The following OTUD7A variants were observed in gnomAD, a reference collection of about 807,000 sequenced individuals.
OTUD7A encodes OTU domain-containing protein 7A.
In OTUD7A, 12 loss-of-function variants were observed where a neutral mutation model predicts 65.7. That is an observed-to-expected ratio of 0.18 (90% CI 0.12 to 0.30). The LOEUF is 0.30. Among genes scored for constraint, OTUD7A ranks in the 10% least tolerant of loss-of-function variants. The probability of loss-of-function intolerance (pLI) is 1.00; values close to 1 mark genes in which losing one functional copy is unlikely to be tolerated. For missense variants in OTUD7A, 1,148 were observed against 1,304.8 expected, an observed-to-expected ratio of 0.88 and a Z score of 1.85; for synonymous variants, 641 against 586.3, an observed-to-expected ratio of 1.09 and a Z score of -1.35.
chr15:31,833,572 C>T (rs915978137), intron 1 of OTUD7A, among the ~76,000 whole-genome samples: 2 of 152,150 alleles, frequency 1.3e-5, no homozygotes, highest in East Asian at 3.8e-4. Flanking sequence ...GGAAAATATC[C>T]ATTCTGACCA....
chr15:31,603,531 C>T (rs1277281254), intron 3 of OTUD7A, among the ~76,000 whole-genome samples: 3 of 152,174 alleles, frequency 2.0e-5, no homozygotes, highest in South Asian at 2.1e-4. Context: ...GACATAGGCA[C>T]GGGCAAAGAC....
chr15:31,755,106 T>C (rs571285440), intron 1 of OTUD7A, among the ~76,000 whole-genome samples: 1 of 150,850 alleles, frequency 6.6e-6, no homozygotes, highest in East Asian at 2.0e-4. Context: ...GATAATTCTA[T>C]TTAAGGAGGA....
At chr15:31,584,217 T>C (rs1195843610) in intron 3 of OTUD7A, among the ~76,000 whole-genome samples, 6 of 152,214 alleles carry the variant, frequency 3.9e-5, no homozygotes, top group Non-Finnish European at 8.8e-5. Context: ...TTAGCTCTTA[T>C]AGCCATGGAG....
chr15:31,735,157 G>A (rs988960453), intron 1 of OTUD7A, among the ~76,000 whole-genome samples: 3 of 152,138 alleles, frequency 2.0e-5, no homozygotes, highest in Non-Finnish European at 4.4e-5. Flanking sequence ...CAATATCACT[G>A]ATCATTAAAG....
In OTUD7A at chr15:31,711,618, A is replaced by AAAG. The variant is rs529167549; in HGVS notation, c.-99-54544_-99-54542dup. On this transcript the variant is annotated intron_variant, in intron 1 of 12. Coordinates refer to ENST00000307050, the MANE Select transcript of OTUD7A (RefSeq NM_001382637.1). ...TGGAAAAATACAAACCAGGAATGAC[A>AAAG]AAGGCATCACCTCCCTAACATCTCT... 6.6e-3 allele frequency among the ~76,000 whole-genome samples: 979 copies of AAAG among 149,168 alleles called. 12 individuals are homozygous for AAAG. Among genetic ancestry groups the AAAG allele is most frequent in the African/African-American group, 0.023 (938 of 39,930 alleles).
At chr15:31,662,999 GT>G (rs921877201) in intron 1 of OTUD7A, among the ~76,000 whole-genome samples, 2 of 149,398 alleles carry the variant, frequency 1.3e-5, no homozygotes, top group East Asian at 2.0e-4. Flanking sequence ...CAAATTTTCA[GT>G]TTTTTTTAGT....
intron 1 of OTUD7A, among the ~76,000 whole-genome samples, chr15:31,763,325 C>T (rs1895020159): frequency 6.6e-6 from 1 of 151,792 alleles, no homozygotes; most frequent in Non-Finnish European, 1.5e-5. Flanking sequence ...ACAGAAGTCT[C>T]AGTAAAGAAA....
rs1202937336 is a variant in OTUD7A, at chr15:31,746,716, G to A, written c.-99-89639C>T. 2.6e-5 allele frequency among the ~76,000 whole-genome samples: 4 copies of A among 152,156 alleles called. No individual in the cohort carries two copies. In the South Asian group the frequency reaches 8.3e-4, roughly 32 times the overall value. On this transcript the variant is annotated intron_variant, in intron 1 of 12. Coordinates refer to ENST00000307050, the MANE Select transcript of OTUD7A (RefSeq NM_001382637.1). ...TCTCCATGTTAGTCAGGCTTGTCTCGAACTCCTGACCTCAGGTGATTCACC... is the reference window on the plus strand; with the variant it reads ...TCTCCATGTTAGTCAGGCTTGTCTCAAACTCCTGACCTCAGGTGATTCACC...
chr15:31,814,346 G>A (rs913319639), intron 1 of OTUD7A, among the ~76,000 whole-genome samples: 1 of 152,170 alleles, frequency 6.6e-6, no homozygotes, highest in Non-Finnish European at 1.5e-5. Context: ...AGAGGCCTAG[G>A]AGTCAGCCCA....
At chr15:31,799,279 C>G (rs1896057016) in intron 1 of OTUD7A, among the ~76,000 whole-genome samples, 1 of 152,192 alleles carries the variant, frequency 6.6e-6, no homozygotes, top group Non-Finnish European at 1.5e-5. Context: ...AACACAGTTT[C>G]ATTCTCAGTT....
At chr15:31,506,226 T>G (rs2041563588) in intron 8 of OTUD7A, among the ~76,000 whole-genome samples, 1 of 151,648 alleles carries the variant, frequency 6.6e-6, no homozygotes, top group Non-Finnish European at 1.5e-5. Flanking sequence ...TTTTTTTTTT[T>G]GCTGATATTA....
At chr15:31,749,523 A>C (rs1303451221) in intron 1 of OTUD7A, among the ~76,000 whole-genome samples, 1 of 152,190 alleles carries the variant, frequency 6.6e-6, no homozygotes, top group Non-Finnish European at 1.5e-5. Context: ...TGGCAGTGTT[A>C]TAATAGTTCC....
intron 8 of OTUD7A, among the ~76,000 whole-genome samples, chr15:31,505,907 G>A (rs764297782): frequency 2.2e-4 from 34 of 151,842 alleles, no homozygotes; most frequent in Non-Finnish European, 2.6e-4. Flanking sequence ...CCGCCACCAC[G>A]CCCGGCTAAT....
At chr15:31,743,554 A>G (rs1894397635) in intron 1 of OTUD7A, among the ~76,000 whole-genome samples, 1 of 152,160 alleles carries the variant, frequency 6.6e-6, no homozygotes, top group Non-Finnish European at 1.5e-5. Context: ...AAGCAAATCA[A>G]GACCAAAGTA....
chr15:31,510,009 T>C (rs921079708), intron 8 of OTUD7A, among the ~76,000 whole-genome samples: 1 of 151,968 alleles, frequency 6.6e-6, no homozygotes, highest in African/African-American at 2.4e-5. Flanking sequence ...CCTTTTTTTT[T>C]CCCGGTCTTG....
intron 3 of OTUD7A, among the ~76,000 whole-genome samples, chr15:31,643,254 G>T (rs1457647748): frequency 1.3e-5 from 2 of 152,264 alleles, no homozygotes; most frequent in East Asian, 3.9e-4. Flanking sequence ...CAAGTAGCTG[G>T]GATTGCGGGC....
intron 1 of OTUD7A, among the ~76,000 whole-genome samples, chr15:31,760,322 G>T (rs1287598717): frequency 6.6e-6 from 1 of 152,058 alleles, no homozygotes; most frequent in South Asian, 2.1e-4. Flanking sequence ...CTCTATATGA[G>T]ATGTTTTTAA....
chr15:31,504,310 A>G (rs1448999510), intron 8 of OTUD7A, among the ~76,000 whole-genome samples: 3 of 151,982 alleles, frequency 2.0e-5, no homozygotes, highest in Admixed American at 6.5e-5. Flanking sequence ...ACTCACCCCA[A>G]TGGAGGAGAA....
chr15:31,551,871 G>C (rs965535994), intron 5 of OTUD7A, among the ~76,000 whole-genome samples: 1 of 152,160 alleles, frequency 6.6e-6, no homozygotes, highest in East Asian at 1.9e-4. Flanking sequence ...TGCTCCTCTG[G>C]GGCAGGGGCC....
Sources: allele counts gnomAD v4.1 joint callset (sites outside exome capture counted in the v4.1 genomes callset), GRCh38; gene constraint gnomAD v4.1.1; transcripts MANE v1.5; gene names NCBI Gene and HGNC (gene_info 2026-07-23, HGNC 2026-07-21).